CATSPERT: variants seen among roughly 807,000 people sequenced by gnomAD.
CATSPERT encodes cation channel sperm-associated targeting subunit tau.
chr2:201,615,572 T>A, the CATSPERT span, among the ~76,000 whole-genome samples: 238 of 152,190 alleles, frequency 1.6e-3, no homozygotes, highest in African/African-American at 5.5e-3. Context: ...TAGAAGGAAA[T>A]TTATAGCACT....
chr2:201,510,861 C>A, the CATSPERT span, among the ~76,000 whole-genome samples: 3 of 152,080 alleles, frequency 2.0e-5, no homozygotes, highest in Non-Finnish European at 4.4e-5. Flanking sequence ...TGAATTTGAC[C>A]ACATAGATGT....
At chr2:201,494,882 A>C in the CATSPERT span, 1 of 826,026 alleles carries the variant, frequency 1.2e-6, no homozygotes, top group Non-Finnish European at 1.6e-6. Flanking sequence ...ACCCTCCACA[A>C]AGGGAGAAAA....
chr2:201,526,108 C>T, the CATSPERT span, among the ~76,000 whole-genome samples: 1 of 152,280 alleles, frequency 6.6e-6, no homozygotes, highest in East Asian at 1.9e-4. Context: ...TTCTTTAACT[C>T]ACTCTAAGAG....
chr2:201,503,064 C>T, the CATSPERT span, among the ~76,000 whole-genome samples: 1 of 151,918 alleles, frequency 6.6e-6, no homozygotes, highest in East Asian at 1.9e-4. Flanking sequence ...ATTATACCCT[C>T]TATTTTTTTC....
At chr2:201,612,543 T>C in the CATSPERT span, among the ~76,000 whole-genome samples, 50 of 138,084 alleles carry the variant, frequency 3.6e-4, 1 homozygote, top group Non-Finnish European at 6.1e-4. Context: ...CACTGCACTC[T>C]AGCCTGGGGG....
At chr2:201,599,484 A>AT in the CATSPERT span, among the ~76,000 whole-genome samples, 1 of 152,076 alleles carries the variant, frequency 6.6e-6, no homozygotes, top group African/African-American at 2.4e-5. Context: ...TATAACATAC[A>AT]TTTTTGTTAG....
the CATSPERT span, chr2:201,535,896 G>A: frequency 2.0e-6 from 3 of 1,532,214 alleles, no homozygotes; most frequent in African/African-American, 4.1e-5. Flanking sequence ...TTTTAATCTG[G>A]TGGAAACTAA....
At chr2:201,495,404 A>G in the CATSPERT span, among the ~76,000 whole-genome samples, 1 of 152,168 alleles carries the variant, frequency 6.6e-6, no homozygotes, top group African/African-American at 2.4e-5. Flanking sequence ...TCAGGATTAC[A>G]GTAAAAATTC....
At chr2:201,534,743 A>G in the CATSPERT span, 1 of 976,644 alleles carries the variant, frequency 1.0e-6, no homozygotes, top group African/African-American at 1.8e-5. Context: ...ACATTAGGAG[A>G]TAATCACAGA....
At chr2:201,575,374 C>T in the CATSPERT span, 18 of 1,477,806 alleles carry the variant, frequency 1.2e-5, no homozygotes, top group Middle Eastern at 2.2e-4. Context: ...CCATGTATTT[C>T]CCTGTATATT....
At chr2:201,530,586 T>C in the CATSPERT span, among the ~76,000 whole-genome samples, 5 of 151,830 alleles carry the variant, frequency 3.3e-5, no homozygotes, top group African/African-American at 1.2e-4. Context: ...ATTTAAAATT[T>C]AATGCATGGA....
chr2:201,559,820 A>C, the CATSPERT span, among the ~76,000 whole-genome samples: 1 of 152,230 alleles, frequency 6.6e-6, no homozygotes, highest in Non-Finnish European at 1.5e-5. Context: ...CGACTGAAAG[A>C]GGTGACTTTT....
chr2:201,516,034 T>G, the CATSPERT span, among the ~76,000 whole-genome samples: 1 of 152,242 alleles, frequency 6.6e-6, no homozygotes, highest in East Asian at 1.9e-4. Context: ...CATCATAGTA[T>G]GTACTTATAT....
At chr2:201,492,020 C>T in the CATSPERT span, 10 of 1,536,450 alleles carry the variant, frequency 6.5e-6, no homozygotes, top group Middle Eastern at 6.7e-4. Context: ...GTTTTAGCTT[C>T]TTCCTTAGTG....
the CATSPERT span, chr2:201,492,200 A>G: frequency 6.6e-7 from 1 of 1,521,160 alleles, no homozygotes. Context: ...TGCTTTTCTG[A>G]ATGCTTCTCC....
the CATSPERT span, among the ~76,000 whole-genome samples, chr2:201,592,106 G>C: frequency 6.6e-6 from 1 of 151,828 alleles, no homozygotes; most frequent in Admixed American, 6.6e-5. Context: ...CATTCAGTAT[G>C]ATATTGGCTG....
At chr2:201,522,934 C>A in the CATSPERT span, among the ~76,000 whole-genome samples, 7 of 152,230 alleles carry the variant, frequency 4.6e-5, no homozygotes, top group Non-Finnish European at 1.0e-4. Context: ...TACTTGGCCA[C>A]TCCGACTTGC....
chr2:201,581,513 T>TATAG, the CATSPERT span, among the ~76,000 whole-genome samples: 1 of 59,948 alleles, frequency 1.7e-5, no homozygotes, highest in Admixed American at 2.0e-4. Context: ...TATATATATA[T>TATAG]ATATATATAT....
At chr2:201,604,522 C>T in the CATSPERT span, 1 of 694,572 alleles carries the variant, frequency 1.4e-6, no homozygotes. Context: ...CATAAATACG[C>T]CATCAGAGAG....
Sources: gnomAD v4.1 joint callset for allele counts (sites outside exome capture counted in the v4.1 genomes callset) on GRCh38, gnomAD v4.1.1 for gene constraint, MANE v1.5 for transcripts, NCBI Gene and HGNC (gene_info 2026-07-23, HGNC 2026-07-21) for gene names.